KIFAP3: variants seen among roughly 807,000 people sequenced by gnomAD.
KIFAP3 encodes kinesin-associated protein 3.
In KIFAP3, 68 loss-of-function variants were observed where a neutral mutation model predicts 106.5. The ratio of observed to expected loss-of-function variants is 0.64; its 90% CI spans 0.53 to 0.78. The LOEUF is 0.78. KIFAP3 is among the 30% of genes least tolerant of loss of function. KIFAP3 has a pLI of 0.00. For missense variants in KIFAP3, 780 were observed against 941.8 expected (o/e 0.83, Z 2.25); for synonymous variants, 320 against 311.5 (o/e 1.03, Z -0.29).
At chr1:169,993,691 A>G (rs9427175) in intron 10 of KIFAP3, among the ~76,000 whole-genome samples, 1 of 94,924 alleles carries the variant, frequency 1.1e-5, no homozygotes, top group African/African-American at 3.6e-5. Flanking sequence ...ACTGAACGCC[A>G]GCCTGGCCAA....
chr1:169,955,708 C>T (rs1221094915), intron 18 of KIFAP3, among the ~76,000 whole-genome samples: 6 of 152,062 alleles, frequency 3.9e-5, no homozygotes, highest in Non-Finnish European at 8.8e-5. Context: ...ATTTAATTGT[C>T]AAATTGTTAA....
chr1:170,017,977 A>C (rs544599150), intron 9 of KIFAP3, among the ~76,000 whole-genome samples: 1 of 152,378 alleles, frequency 6.6e-6, no homozygotes, highest in African/African-American at 2.4e-5. Flanking sequence ...ACTAAAAGCA[A>C]TAGTTGAAAC....
rs140823653 is a variant in KIFAP3 at position 170,017,205 on chromosome 1, C to T, written c.1021-581G>A. 1.8e-3 allele frequency among the ~76,000 whole-genome samples: 261 copies of T among 141,864 alleles called. 1 individual carries two copies. Among genetic ancestry groups the T allele is most frequent in the African/African-American group, 6.7e-3 (253 of 37,952 alleles). The allele number at this position is 141,864 out of a possible 152,430, so 93.1% of individuals were successfully genotyped here. A position where few individuals can be genotyped will look rare whatever the true frequency, so the allele number is the denominator to read the frequency against. On this transcript the variant is annotated intron_variant, in intron 9 of 19. Transcript: ENST00000361580. ...CCGGGAAACAGAGGTTGCAGTGAGC[C>T]GAGATCATGCTACTGCATTCCAGCC...
chr1:169,986,066 T>A (rs1042626514), intron 11 of KIFAP3, among the ~76,000 whole-genome samples: 1 of 150,240 alleles, frequency 6.7e-6, no homozygotes, highest in South Asian at 2.1e-4. Context: ...AAAAACTTAC[T>A]ATGTTTTATC....
intron 3 of KIFAP3, among the ~76,000 whole-genome samples, chr1:170,045,132 A>G (rs750029086): frequency 3.9e-5 from 6 of 152,206 alleles, no homozygotes; most frequent in Non-Finnish European, 7.3e-5. Context: ...ATATTTTTAG[A>G]TATGACCAGA....
At chr1:170,055,774 G>T (rs139318373) in intron 1 of KIFAP3, among the ~76,000 whole-genome samples, 63 of 152,204 alleles carry the variant, frequency 4.1e-4, no homozygotes, top group African/African-American at 1.5e-3. Context: ...GCTTTGGAGA[G>T]AATGACCTCA....
At chr1:169,972,854 A>G (rs1030089182) in intron 16 of KIFAP3, among the ~76,000 whole-genome samples, 1 of 151,606 alleles carries the variant, frequency 6.6e-6, no homozygotes. Context: ...TAAATCTCAG[A>G]AAGTACAAGA....
At chr1:169,971,531 A>G (rs1407613167) in intron 17 of KIFAP3, among the ~76,000 whole-genome samples, 1 of 152,052 alleles carries the variant, frequency 6.6e-6, no homozygotes, top group Non-Finnish European at 1.5e-5. Context: ...AGTAATGGAT[A>G]CTTAGTCAAA....
rs146260693 is a variant in KIFAP3, at chr1:170,028,757, G to C, written c.841+3129C>G. ...AAATGGCACAAAATACTTGACAGCA[G>C]AGTTAACTTATGATAAGTTAAGCAT... On this transcript the variant is annotated intron_variant, in intron 8 of 19. Coordinates refer to ENST00000361580, the MANE Select transcript of KIFAP3 (RefSeq NM_014970.4). 4.5e-3 allele frequency among the ~76,000 whole-genome samples: 692 copies of C among 152,276 alleles called. 2 individuals carry two copies. Among genetic ancestry groups the C allele is most frequent in the African/African-American group, 0.016 (656 of 41,556 alleles).
intron 17 of KIFAP3, among the ~76,000 whole-genome samples, chr1:169,966,468 A>G (rs78356183): frequency 1.8e-4 from 1 of 5,594 alleles, no homozygotes; most frequent in South Asian, 5.2e-3. Context: ...AAATGGCAAA[A>G]AAAAAAAAAA....
At chr1:170,038,257 CTATTATAAT>C in intron 5 of KIFAP3, 24 bp downstream of exon 5, 1 of 1,480,596 alleles carries the variant, frequency 6.8e-7, no homozygotes, top group Non-Finnish European at 9.1e-7. Flanking sequence ...ACTTATTCCT[CTATTATAAT>C]TAAACATGTT....
chr1:170,000,277 T>C (rs559055022), intron 10 of KIFAP3, among the ~76,000 whole-genome samples: 8 of 152,296 alleles, frequency 5.3e-5, no homozygotes, highest in African/African-American at 1.7e-4. Context: ...TTCCCTTCTA[T>C]ACTCTATGTC....
At chr1:170,065,551 T>C (rs896026927) in intron 1 of KIFAP3, among the ~76,000 whole-genome samples, 3 of 144,258 alleles carry the variant, frequency 2.1e-5, no homozygotes, top group African/African-American at 7.9e-5. Flanking sequence ...GAGGCGGAGC[T>C]TGCAGTGAGC....
intron 19 of KIFAP3, among the ~76,000 whole-genome samples, chr1:169,942,278 A>G (rs1664166086): frequency 6.6e-6 from 1 of 152,234 alleles, no homozygotes; most frequent in South Asian, 2.1e-4. Flanking sequence ...GAAAAAAGAA[A>G]AAAAGGCTTG....
At chr1:169,983,247 T>C in intron 13 of KIFAP3, 23 bp downstream of exon 13, 2 of 1,414,496 alleles carry the variant, frequency 1.4e-6, no homozygotes, top group Non-Finnish European at 2.0e-6. Flanking sequence ...TCTATTTGAA[T>C]AGAAAGCCAA....
Position 170,031,909 on chromosome 1 carries a change from A to G in KIFAP3, c.818T>C (p.Val273Ala), listed in dbSNP as rs1330193522. 6.2e-7 allele frequency: 1 copy of G among 1,610,034 alleles called. No homozygotes were observed. Among genetic ancestry groups the G allele is most frequent in the East Asian group, 2.2e-5 (1 of 44,736 alleles). The part of the protein sequence containing the change: ...KTFKKYQGLV[V>A]KQEQLLRVAL... Reference sequence around the variant, plus strand: ...ACCTCGTAATAGCTGTTCCTGTTTTACCACAAGCCCCTGGTACTTTTTAAA... The same window carrying G: ...ACCTCGTAATAGCTGTTCCTGTTTTGCCACAAGCCCCTGGTACTTTTTAAA... Residue 273 changes from valine to alanine, a missense_variant, in exon 8 of 20, where the codon GTA (valine) becomes GCA (alanine). Around this residue, in one of 3 missense-constraint regions of KIFAP3, gnomAD observed 588 missense variants for 678.9 expected, o/e 0.87. Coordinates refer to ENST00000361580, the MANE Select transcript of KIFAP3 (RefSeq NM_014970.4).
At chr1:169,941,554 A>G (rs1367049385) in intron 19 of KIFAP3, among the ~76,000 whole-genome samples, 3 of 152,142 alleles carry the variant, frequency 2.0e-5, no homozygotes, top group African/African-American at 4.8e-5. Context: ...CTAAACAGTA[A>G]CTGTGACTTC....
At chr1:169,972,808 A>C (rs1282295609) in intron 16 of KIFAP3, among the ~76,000 whole-genome samples, 1 of 151,630 alleles carries the variant, frequency 6.6e-6, no homozygotes, top group Non-Finnish European at 1.5e-5. Context: ...AAAAGAGAAA[A>C]ATCTAGATGA....
intron 10 of KIFAP3, among the ~76,000 whole-genome samples, chr1:170,013,435 A>G (rs1206102266): frequency 6.6e-6 from 1 of 150,546 alleles, no homozygotes; most frequent in Non-Finnish European, 1.5e-5. Context: ...CTATTCATAT[A>G]TACTATTATT....
Sources: allele counts gnomAD v4.1 joint callset (sites outside exome capture counted in the v4.1 genomes callset), GRCh38; gene constraint gnomAD v4.1.1; regional missense constraint gnomAD v4.1.1; transcripts MANE v1.5; gene names NCBI Gene and HGNC (gene_info 2026-07-23, HGNC 2026-07-21).